The following MYO1D variants were observed in gnomAD, a reference collection of about 807,000 sequenced individuals.
MYO1D encodes the protein unconventional myosin-Id.
A neutral mutation model predicts 122.0 loss-of-function variants in MYO1D; 83 were observed. The observed-to-expected ratio is 0.68, with a 90% confidence interval of 0.57 to 0.82. The LOEUF is 0.82. Among genes scored for constraint, MYO1D ranks in the 40% least tolerant of loss-of-function variants. The probability of loss-of-function intolerance (pLI) is 0.00; values close to 1 mark genes in which losing one functional copy is unlikely to be tolerated. For synonymous variants in MYO1D, 464 were observed against 446.9 expected (o/e 1.04, Z -0.48); for missense variants, 1,157 against 1,269.5 (o/e 0.91, Z 1.35).
chr17:32,876,464 G>C (rs944315884), intron 1 of MYO1D, among the ~76,000 whole-genome samples: 2 of 152,122 alleles, frequency 1.3e-5, no homozygotes, highest in African/African-American at 4.8e-5. Flanking sequence ...CCTGGCGCGG[G>C]GAAGCGCGCC....
chr17:32,589,031 G>T (rs1485203696), intron 21 of MYO1D, among the ~76,000 whole-genome samples: 3 of 149,162 alleles, frequency 2.0e-5, no homozygotes, highest in Admixed American at 1.3e-4. Context: ...CCCTGCAAGA[G>T]AATAAAATTC....
At chr17:32,590,648 C>T (rs1597915364) in intron 21 of MYO1D, among the ~76,000 whole-genome samples, 1 of 152,332 alleles carries the variant, frequency 6.6e-6, no homozygotes, top group East Asian at 1.9e-4. Flanking sequence ...AAACACTTCA[C>T]TGAGTATATT....
At chr17:32,805,754 G>A (rs2090505081) in intron 1 of MYO1D, among the ~76,000 whole-genome samples, 1 of 152,090 alleles carries the variant, frequency 6.6e-6, no homozygotes, top group African/African-American at 2.4e-5. Context: ...AGGTTGGGCT[G>A]GTTCAAAGAA....
At chr17:32,525,590 A>T (rs1351191123) in intron 21 of MYO1D, among the ~76,000 whole-genome samples, 1 of 152,144 alleles carries the variant, frequency 6.6e-6, no homozygotes, top group East Asian at 1.9e-4. Context: ...GATCTTAGCC[A>T]AAAGGCCGAG....
rs76163438 is a variant in MYO1D, at chr17:32,757,929, G to C, written c.1297-2267C>G. ...TACCCACTCCAGATAAAACAGCTTT[G>C]TGCTTGAGTATCAAGTTCTCAATAG... On this transcript the variant is annotated intron_variant, in intron 10 of 21. Coordinates refer to ENST00000318217, the MANE Select transcript of MYO1D (RefSeq NM_015194.3). Among the ~76,000 whole-genome samples, 4 of 152,194 alleles carry C rather than the reference G, an allele frequency of 2.6e-5. No homozygotes were observed. The East Asian group carries it at 5.8e-4, about 22-fold the overall frequency.
intron 16 of MYO1D, among the ~76,000 whole-genome samples, chr17:32,668,084 G>A (rs1272403758): frequency 6.6e-6 from 1 of 152,204 alleles, no homozygotes; most frequent in Non-Finnish European, 1.5e-5. Context: ...CTGTGGAGCT[G>A]TAGGAAAGTG....
chr17:32,778,987 C>T (rs2090208308), intron 2 of MYO1D, among the ~76,000 whole-genome samples: 1 of 151,950 alleles, frequency 6.6e-6, no homozygotes, highest in Non-Finnish European at 1.5e-5. Context: ...TTCTTTTAAT[C>T]TTAAAGGGGA....
Position 32,570,692 on chromosome 17 carries a change from C to T in MYO1D, c.2864+34395G>A, listed in dbSNP as rs139854260. Among the ~76,000 whole-genome samples the T allele has an allele frequency of 1.0e-3, 156 of 152,204 alleles. 1 individual carries two copies. The highest frequency in any genetic ancestry group is 3.7e-3 in the African/African-American group (152 of 41,542). On this transcript the variant is annotated intron_variant, in intron 21 of 21. Coordinates refer to ENST00000318217, the MANE Select transcript of MYO1D (RefSeq NM_015194.3). Reference sequence around the variant, plus strand: ...TAAGGCTCTTCTAACAAACATTCTTCATGCTTTCAAAGCTCCTTTCAAAGC... The same window carrying T: ...TAAGGCTCTTCTAACAAACATTCTTTATGCTTTCAAAGCTCCTTTCAAAGC...
intron 1 of MYO1D, among the ~76,000 whole-genome samples, chr17:32,821,744 T>C (rs965702198): frequency 3.3e-5 from 5 of 152,196 alleles, no homozygotes; most frequent in African/African-American, 1.2e-4. Flanking sequence ...GGATTTTTGT[T>C]CAAAAAGTGA....
intron 1 of MYO1D, among the ~76,000 whole-genome samples, chr17:32,821,399 T>G (rs1478131628): frequency 1.3e-5 from 2 of 152,192 alleles, no homozygotes; most frequent in East Asian, 3.8e-4. Flanking sequence ...AAGAAATGAA[T>G]GAATACATAT....
At chr17:32,874,227 T>A (rs747969556) in intron 1 of MYO1D, among the ~76,000 whole-genome samples, 1 of 151,552 alleles carries the variant, frequency 6.6e-6, no homozygotes, top group Non-Finnish European at 1.5e-5. Context: ...ATAAGGCTTT[T>A]ATCTTCTCTT....
At chr17:32,525,725 T>C (rs201054962) in intron 21 of MYO1D, among the ~76,000 whole-genome samples, 1 of 152,136 alleles carries the variant, frequency 6.6e-6, no homozygotes, top group East Asian at 1.9e-4. Flanking sequence ...CAGTTTCTAA[T>C]TGGAGCCCAT....
intron 21 of MYO1D, among the ~76,000 whole-genome samples, chr17:32,566,934 G>A (rs1210583700): frequency 3.3e-5 from 5 of 150,704 alleles, no homozygotes; most frequent in African/African-American, 1.2e-4. Context: ...TGCATCCAAG[G>A]TGGGGAGCGG....
chr17:32,803,494 G>T (rs1461514553), intron 1 of MYO1D, among the ~76,000 whole-genome samples: 6 of 152,118 alleles, frequency 3.9e-5, no homozygotes, highest in Non-Finnish European at 5.9e-5. Flanking sequence ...ATTTTAAAAG[G>T]ATGTTATCCT....
In MYO1D at chr17:32,749,004, G is replaced by A; in HGVS notation, c.1470C>T (p.Leu490=). The change falls in exon 12 of 22, where the codon CTC becomes CTT. Residue 490 remains leucine, a splice_region_variant and synonymous_variant. Transcript: ENST00000318217. ...GKHAHFSSRK[L]CASDKILEFD... is the part of the protein sequence containing the mutation. ...ACTCCAGAATTTTGTCTGAGGCACA[G>A]AGCTAAGGAATCAAGAAGGATATTA... 6.2e-7 allele frequency: 1 copy of A among 1,611,862 alleles called. No homozygotes were observed. Among genetic ancestry groups the A allele is most frequent in the African/African-American group, 1.3e-5 (1 of 74,974 alleles).
intron 1 of MYO1D, among the ~76,000 whole-genome samples, chr17:32,827,313 ATAT>A (rs1733542175): frequency 9.9e-5 from 15 of 152,218 alleles, no homozygotes; most frequent in Non-Finnish European, 1.6e-4. Context: ...AAAAGGACAA[ATAT>A]TGTATGATTC....
intron 1 of MYO1D, among the ~76,000 whole-genome samples, chr17:32,856,513 A>G (rs573770848): frequency 1.3e-5 from 2 of 152,208 alleles, no homozygotes; most frequent in South Asian, 4.2e-4. Context: ...ACTGTTTTCC[A>G]CCTCTACCTC....
chr17:32,780,831 A>T lies in MYO1D; in HGVS notation c.96-47T>A, dbSNP rs767579215. The T allele has an allele frequency of 2.6e-6, 4 of 1,557,228 alleles. No homozygotes were observed. In the African/African-American group the frequency reaches 5.4e-5, roughly 21 times the overall value. ...GGAAGACGTAGCTGTGGTTACAGAG[A>T]AATGATGTATCTGTCCTGTGAGTCT... is the stretch of plus-strand genomic sequence containing the variant. On this transcript the variant is annotated intron_variant, in intron 1 of 21. Transcript: ENST00000318217.
intron 19 of MYO1D, among the ~76,000 whole-genome samples, chr17:32,649,662 C>T (rs191777089): frequency 1.1e-3 from 167 of 151,680 alleles, no homozygotes; most frequent in Non-Finnish European, 7.1e-4. Context: ...ACCTCCACCC[C>T]CCGGGTTCAA....
Sources: gnomAD v4.1 joint callset for allele counts (sites outside exome capture counted in the v4.1 genomes callset) on GRCh38, gnomAD v4.1.1 for gene constraint, MANE v1.5 for transcripts, NCBI Gene and HGNC (gene_info 2026-07-23, HGNC 2026-07-21) for gene names.